C1orf21: variants seen among roughly 807,000 people sequenced by gnomAD.
The protein encoded by C1orf21 is chromosome 1 open reading frame 21, also known as uncharacterized protein C1orf21.
C1orf21 carries 3 observed loss-of-function variants against 18.7 expected under a neutral mutation model. The ratio of observed to expected loss-of-function variants is 0.16; its 90% CI spans 0.07 to 0.42. C1orf21 has a LOEUF of 0.42. C1orf21 is among the 10% of genes least tolerant of loss of function. The pLI is 0.99. For synonymous variants in C1orf21, 41 were observed against 46.4 expected (o/e 0.88, Z 0.47); for missense variants, 104 against 143.6 (o/e 0.72, Z 1.41).
At chr1:184,575,955 GA>G (rs991939366) in intron 3 of C1orf21, among the ~76,000 whole-genome samples, 4 of 150,086 alleles carry the variant, frequency 2.7e-5, no homozygotes, top group African/African-American at 4.9e-5. Flanking sequence ...AGGAGGTCAT[GA>G]AAAAAAAATG....
At chr1:184,566,021 G>C (rs1659031620) in intron 3 of C1orf21, among the ~76,000 whole-genome samples, 1 of 152,164 alleles carries the variant, frequency 6.6e-6, no homozygotes, top group Non-Finnish European at 1.5e-5. Context: ...GGGAGGATGG[G>C]GGTGAGAACT....
At chr1:184,590,844 T>C in intron 4 of C1orf21, 29 bp downstream of exon 4, 5 of 1,573,666 alleles carry the variant, frequency 3.2e-6, no homozygotes, top group Non-Finnish European at 3.5e-6. Flanking sequence ...TTTCCTTATA[T>C]AGTCGGCCTT....
intron 1 of C1orf21, among the ~76,000 whole-genome samples, chr1:184,460,567 T>C (rs1657285627): frequency 6.6e-6 from 1 of 152,096 alleles, no homozygotes; most frequent in Admixed American, 6.5e-5. Flanking sequence ...GCACGGTACA[T>C]CTGGATTGAC....
chr1:184,556,380 C>T (rs941348423), intron 3 of C1orf21, among the ~76,000 whole-genome samples: 20 of 152,166 alleles, frequency 1.3e-4, no homozygotes, highest in African/African-American at 4.8e-4. Flanking sequence ...AGAGCCTCTG[C>T]TGGTGAAGGA....
At chr1:184,527,826 T>C (rs1658401277) in intron 3 of C1orf21, among the ~76,000 whole-genome samples, 1 of 152,186 alleles carries the variant, frequency 6.6e-6, no homozygotes, top group East Asian at 1.9e-4. Flanking sequence ...GTAAGGGCTA[T>C]CTGAGATAAG....
chr1:184,461,098 T>G (rs1197076064), intron 1 of C1orf21, among the ~76,000 whole-genome samples: 6 of 152,120 alleles, frequency 3.9e-5, no homozygotes, highest in African/African-American at 1.4e-4. Flanking sequence ...GAGTCTTGCT[T>G]AGGACCCCAG....
chr1:184,419,232 C>G (rs972421297), intron 1 of C1orf21, among the ~76,000 whole-genome samples: 1 of 152,152 alleles, frequency 6.6e-6, no homozygotes, highest in Non-Finnish European at 1.5e-5. Flanking sequence ...ATAATAATGT[C>G]TTGCTTACTG....
At chr1:184,460,637 CTT>C (rs1657290328) in intron 1 of C1orf21, among the ~76,000 whole-genome samples, 5 of 118,026 alleles carry the variant, frequency 4.2e-5, no homozygotes, top group Non-Finnish European at 9.5e-5. Context: ...TCTTCTTCTT[CTT>C]CTTCTTCTTC....
intron 1 of C1orf21, among the ~76,000 whole-genome samples, chr1:184,447,760 C>G (rs966481102): frequency 2.0e-5 from 3 of 152,184 alleles, no homozygotes; most frequent in African/African-American, 7.2e-5. Flanking sequence ...CACTGTAAAG[C>G]TTCTTACCAA....
intron 5 of C1orf21, chr1:184,599,228 G>A (rs1659555768): frequency 6.6e-6 from 1 of 152,176 alleles, no homozygotes; most frequent in Non-Finnish European, 1.5e-5. Context: ...GAACTTCTAA[G>A]TTCAGAACAT....
At chr1:184,453,680 G>C (rs1328816463) in intron 1 of C1orf21, among the ~76,000 whole-genome samples, 1 of 151,816 alleles carries the variant, frequency 6.6e-6, no homozygotes, top group Non-Finnish European at 1.5e-5. Context: ...TAGGTTATTT[G>C]TTTATAGCTG....
In C1orf21 at chr1:184,478,839, A is replaced by T. The variant is rs75770356; in HGVS notation, c.94+1236A>T. On this transcript the variant is annotated intron_variant, in intron 2 of 5. Coordinates refer to ENST00000235307, the MANE Select transcript of C1orf21 (RefSeq NM_030806.4). ...TTTCATTTATAAAAACACTTCTTCA[A>T]CTCTTAGTAAGGGACATCATAGAGA... Among the ~76,000 whole-genome samples the T allele has an allele frequency of 2.7e-3, 418 of 152,274 alleles. 1 individual carries two copies. The highest frequency in any genetic ancestry group is 9.6e-3 in the African/African-American group (399 of 41,540).
At chr1:184,616,697 T>C (rs1452799048) in intron 5 of C1orf21, among the ~76,000 whole-genome samples, 1 of 143,640 alleles carries the variant, frequency 7.0e-6, no homozygotes, top group Admixed American at 7.5e-5. Flanking sequence ...TGCTTGTGTG[T>C]GCACACGTGT....
At chr1:184,428,854 C>G (rs1304726406) in intron 1 of C1orf21, among the ~76,000 whole-genome samples, 1 of 152,074 alleles carries the variant, frequency 6.6e-6, no homozygotes, top group African/African-American at 2.4e-5. Context: ...TCTGAGGACC[C>G]AAATGCAGGG....
At position 184,477,538 on chromosome 1, in the gene C1orf21, C is replaced by T; in HGVS notation, c.29C>T (p.Ala10Val). The T allele has an allele frequency of 6.2e-7, 1 of 1,613,956 alleles. No individual in the cohort carries two copies. Among genetic ancestry groups the T allele is most frequent in the Middle Eastern group, 1.7e-4 (1 of 6,060 alleles). MGCASAKHV[A>V]TVQNEEEAQK... ...GGCTGTGCCTCCGCCAAGCATGTTG[C>T]CACTGTTCAAAATGAAGAGGAAGCC... Residue 10 changes from alanine to valine, a missense_variant, in exon 2 of 6, where the codon GCC becomes GTC. By Grantham distance (64) the Ala-to-Val change is moderately conservative. Transcript: ENST00000235307.
chr1:184,438,885 T>G (rs1401085236), intron 1 of C1orf21, among the ~76,000 whole-genome samples: 1 of 152,040 alleles, frequency 6.6e-6, no homozygotes, highest in African/African-American at 2.4e-5. Context: ...ACCAAAGATA[T>G]GTCGTTGGGT....
At chr1:184,414,924 T>C (rs1656424777) in intron 1 of C1orf21, among the ~76,000 whole-genome samples, 1 of 152,152 alleles carries the variant, frequency 6.6e-6, no homozygotes, top group East Asian at 1.9e-4. Context: ...CACCTTTGCT[T>C]TCATGATTTT....
At chr1:184,545,474 C>T (rs1390389213) in intron 3 of C1orf21, among the ~76,000 whole-genome samples, 1 of 151,960 alleles carries the variant, frequency 6.6e-6, no homozygotes, top group Non-Finnish European at 1.5e-5. Flanking sequence ...TCCCTCCCTC[C>T]CTTTCCATAG....
chr1:184,622,554 A>G lies in C1orf21; in HGVS notation c.*2998A>G, dbSNP rs537224038. ...GAACCTTAAAAAAGGCCTTTACCTC[A>G]GCGATGCTTCCTAGCCCCAGGCTTG... On this transcript the variant is annotated 3_prime_UTR_variant, in exon 6 of 6. Coordinates refer to ENST00000235307, the MANE Select transcript of C1orf21 (RefSeq NM_030806.4). 5.2e-5 allele frequency: 8 copies of G among 152,840 alleles called. No individual in the cohort carries two copies. The highest frequency in any genetic ancestry group is 3.9e-4 in the Admixed American group (6 of 15,310). 9.5% of individuals were successfully genotyped at this position (152,840 alleles called of 1,614,324 possible).
Sources: allele counts gnomAD v4.1 joint callset (sites outside exome capture counted in the v4.1 genomes callset), GRCh38; gene constraint gnomAD v4.1.1; transcripts MANE v1.5; gene names NCBI Gene and HGNC (gene_info 2026-07-23, HGNC 2026-07-21).